Variants in SLC1A6 observed in about 807,000 individuals in gnomAD.
SLC1A6 encodes solute carrier family 1 member 6.
A neutral mutation model predicts 42.1 loss-of-function variants in SLC1A6; 15 were observed. That is an observed-to-expected ratio of 0.36 (90% CI 0.24 to 0.55). The LOEUF (loss-of-function observed/expected upper bound fraction) is 0.55. Among genes scored for constraint, SLC1A6 ranks in the 20% least tolerant of loss-of-function variants. SLC1A6 has a pLI of 0.88. For missense variants in SLC1A6, 542 were observed against 772.5 expected, an observed-to-expected ratio of 0.70 and a Z score of 3.54; for synonymous variants, 317 against 319.7, an observed-to-expected ratio of 0.99 and a Z score of 0.09.
intron 1 of SLC1A6, among the ~76,000 whole-genome samples, chr19:14,989,247 AC>A (rs879836004): frequency 6.6e-6 from 1 of 151,688 alleles, no homozygotes; most frequent in Admixed American, 6.6e-5. Flanking sequence ...ACTGCACTGA[AC>A]CCCCAAAATC....
chr19:14,993,968 G>A (rs1482441331), intron 1 of SLC1A6, among the ~76,000 whole-genome samples: 1 of 152,116 alleles, frequency 6.6e-6, no homozygotes, highest in Non-Finnish European at 1.5e-5. Context: ...GGCGGGCTGT[G>A]AGCTGAGCAC....
intron 3 of SLC1A6, among the ~76,000 whole-genome samples, chr19:14,968,850 T>A (rs1031012333): frequency 1.7e-4 from 16 of 95,250 alleles, no homozygotes; most frequent in Non-Finnish European, 2.9e-4. Flanking sequence ...ATAACCTAAC[T>A]ATTTTTTTTT....
intron 6 of SLC1A6, among the ~76,000 whole-genome samples, chr19:14,958,435 T>C (rs534273878): frequency 1.3e-5 from 2 of 152,012 alleles, no homozygotes; most frequent in African/African-American, 4.8e-5. Flanking sequence ...ATTTGAAATC[T>C]ACTTTGGCTC....
chr19:14,964,462 A>G (rs1029867704), intron 4 of SLC1A6, 101 bp from the exon 5 acceptor site: 2 of 903,300 alleles, frequency 2.2e-6, no homozygotes, highest in African/African-American at 3.3e-5. Context: ...AGTGCAGCCA[A>G]CATATGAATG....
chr19:14,999,360 C>T (rs1359266356), intron 1 of SLC1A6, among the ~76,000 whole-genome samples: 1 of 152,122 alleles, frequency 6.6e-6, no homozygotes, highest in African/African-American at 2.4e-5. Context: ...CCACCTATGA[C>T]CTGGAAGCCC....
At chr19:14,963,995 C>CTT (rs34907139) in intron 5 of SLC1A6, 5,723 of 158,720 alleles carry the variant, frequency 0.036, 190 homozygotes, top group East Asian at 0.2. Flanking sequence ...TTTTTTTAAT[C>CTT]TTTTTTTTTT....
At chr19:14,958,469 G>A (rs1346359960) in intron 6 of SLC1A6, among the ~76,000 whole-genome samples, 1 of 152,046 alleles carries the variant, frequency 6.6e-6, no homozygotes, top group Non-Finnish European at 1.5e-5. Context: ...ATGTGTTGGA[G>A]GAGGTGGGGA....
intron 9 of SLC1A6, among the ~76,000 whole-genome samples, chr19:14,950,986 T>G (rs2045405533): frequency 1.3e-5 from 2 of 148,894 alleles, no homozygotes; most frequent in African/African-American, 5.0e-5. Context: ...TGGCTCATGC[T>G]TATAATCCCA....
chr19:14,950,081 G>A lies in SLC1A6; in HGVS notation c.*114C>T. 1 of 647,454 alleles carries A rather than the reference G, an allele frequency of 1.5e-6. No individual in the cohort carries two copies. Among genetic ancestry groups the A allele is most frequent in the Non-Finnish European group, 2.5e-6 (1 of 406,598 alleles). 40.1% of individuals were successfully genotyped at this position (647,454 alleles called of 1,614,324 possible). A position where few individuals can be genotyped will look rare whatever the true frequency, so the allele number is the denominator to read the frequency against. ...TTTCACTTTTCCCTCCCCCCTAAAT[G>A]AGTCAAGCAGAACGTGTGTTCAGCC... On this transcript the variant is annotated 3_prime_UTR_variant, in exon 10 of 10. Coordinates refer to ENST00000594383, the MANE Select transcript of SLC1A6 (RefSeq NM_005071.3).
chr19:14,983,884 T>C (rs982412398), upstream of SLC1A6, among the ~76,000 whole-genome samples: 1 of 152,090 alleles, frequency 6.6e-6, no homozygotes, highest in African/African-American at 2.4e-5. Context: ...TATGGAGTCT[T>C]TAAACAAAAA....
intron 1 of SLC1A6, among the ~76,000 whole-genome samples, chr19:14,995,858 G>T (rs1235353278): frequency 6.6e-6 from 1 of 152,090 alleles, no homozygotes; most frequent in Middle Eastern, 3.2e-3. Flanking sequence ...GTAGATCACT[G>T]GTAGATCCAG....
chr19:14,963,824 A>C, intron 5 of SLC1A6, among the ~76,000 whole-genome samples: 1 of 125,604 alleles, frequency 8.0e-6, no homozygotes. Flanking sequence ...TCCTTGGCCT[A>C]AGTCCTCTTT....
chr19:14,979,997 G>A (rs1253676161), upstream of SLC1A6: 2 of 152,302 alleles, frequency 1.3e-5, no homozygotes, highest in Admixed American at 1.3e-4. The surrounding 1 kb of genome is among the most constrained non-coding windows in gnomAD (Gnocchi z 4.2). Context: ...GCGGAGCGCG[G>A]GGAACAGGCC....
chr19:14,962,616 T>C (rs1309660994), intron 5 of SLC1A6, among the ~76,000 whole-genome samples: 3 of 152,048 alleles, frequency 2.0e-5, no homozygotes, highest in Non-Finnish European at 4.4e-5. Flanking sequence ...AAATTAAAAA[T>C]AGAACTACCG....
At chr19:14,954,494 G>C (rs944877364) in intron 7 of SLC1A6, among the ~76,000 whole-genome samples, 165 bp from the exon 8 acceptor site, 2 of 152,126 alleles carry the variant, frequency 1.3e-5, no homozygotes, top group East Asian at 3.9e-4. Flanking sequence ...GGGTAGGGCT[G>C]GGTCACATGG....
Position 14,990,790 on chromosome 19 carries a change from A to C in SLC1A6, c.7-17873T>G, listed in dbSNP as rs58662034. Among the ~76,000 whole-genome samples, 97 of 107,394 alleles carry C rather than the reference A, an allele frequency of 9.0e-4. No individual in the cohort carries two copies. The East Asian group carries it at 0.013, about 14-fold the overall frequency. 70.5% of individuals were successfully genotyped at this position (107,394 alleles called of 152,430 possible). ...GTCTCAAAAAACAAAACAAAACAAA[A>C]AAAAAAAAAAACGAATAATTTCAAG... On this transcript the variant is annotated intron_variant, in intron 1 of 8. Coordinates refer to the SLC1A6 transcript ENST00000430939.
At chr19:14,959,785 G>A (rs1456935608) in intron 6 of SLC1A6, among the ~76,000 whole-genome samples, 1 of 152,156 alleles carries the variant, frequency 6.6e-6, no homozygotes, top group Non-Finnish European at 1.5e-5. Context: ...CTGTCCAGTT[G>A]AAGTCCTACT....
At chr19:14,987,876 T>G (rs1019877506) in intron 1 of SLC1A6, among the ~76,000 whole-genome samples, 5 of 152,160 alleles carry the variant, frequency 3.3e-5, no homozygotes, top group Non-Finnish European at 7.4e-5. Context: ...TTTGGTTTTT[T>G]GAGACAGGAT....
chr19:14,957,250 A>C (rs1397066981), intron 6 of SLC1A6, among the ~76,000 whole-genome samples: 1 of 152,198 alleles, frequency 6.6e-6, no homozygotes, highest in African/African-American at 2.4e-5. Context: ...GTATTCATTC[A>C]TTCCACAGAT....
Sources: gnomAD v4.1 joint callset for allele counts (sites outside exome capture counted in the v4.1 genomes callset) on GRCh38, gnomAD v4.1.1 for gene constraint, Gnocchi (gnomAD v3.1) non-coding constraint, MANE v1.5 for transcripts, NCBI Gene and HGNC (gene_info 2026-07-23, HGNC 2026-07-21) for gene names.